The following RAP1GDS1 variants were observed in gnomAD, a reference collection of about 807,000 sequenced individuals.
RAP1GDS1 encodes Rap1 GTPase-GDP dissociation stimulator 1, also known as RAP1, GTP-GDP dissociation stimulator 1.
RAP1GDS1 carries 35 observed loss-of-function variants against 71.1 expected under a neutral mutation model. That is an observed-to-expected ratio of 0.49 (90% confidence interval 0.38 to 0.65). The LOEUF is 0.65. RAP1GDS1 is among the 30% of genes least tolerant of loss of function. RAP1GDS1 has a pLI of 0.00. For synonymous variants in RAP1GDS1, 229 were observed against 243.1 expected (o/e 0.94, Z 0.54); for missense variants, 663 against 706.1 (o/e 0.94, Z 0.69).
chr4:98,343,541 C>A (rs1420147572), intron 3 of RAP1GDS1, among the ~76,000 whole-genome samples: 4 of 152,070 alleles, frequency 2.6e-5, no homozygotes, highest in Non-Finnish European at 4.4e-5. Flanking sequence ...GTATAAGATT[C>A]TTGAACTTGC....
At chr4:98,278,044 C>T (rs148654494) in intron 1 of RAP1GDS1, among the ~76,000 whole-genome samples, 221 of 152,200 alleles carry the variant, frequency 1.5e-3, no homozygotes, top group African/African-American at 4.9e-3. Context: ...GTGGCCAACA[C>T]GGCTACTAAA....
intron 6 of RAP1GDS1, among the ~76,000 whole-genome samples, chr4:98,399,044 CT>C (rs796490853): frequency 6.6e-6 from 1 of 151,362 alleles, no homozygotes; most frequent in Non-Finnish European, 1.5e-5. Flanking sequence ...ATACCAATGA[CT>C]TTTTTTTTGT....
chr4:98,421,541 A>C (rs1748859576), intron 12 of RAP1GDS1, 147 bp downstream of exon 12: 1 of 838,822 alleles, frequency 1.2e-6, no homozygotes, highest in African/African-American at 1.7e-5. Context: ...TGCTTAGCTG[A>C]TACATGGGAT....
At chr4:98,413,221 A>AT (rs35095617) in intron 7 of RAP1GDS1, among the ~76,000 whole-genome samples, 56,207 of 148,174 alleles carry the variant, frequency 0.38, 11,882 homozygotes, top group African/African-American at 0.6. Context: ...GGGTATTACT[A>AT]TTTTTTTTTT....
chr4:98,279,939 CA>C (rs764374410), intron 1 of RAP1GDS1, among the ~76,000 whole-genome samples: 5 of 152,186 alleles, frequency 3.3e-5, no homozygotes, highest in South Asian at 2.1e-4. Flanking sequence ...GGCATGAACT[CA>C]TCCTCTTTTA....
intron 1 of RAP1GDS1, among the ~76,000 whole-genome samples, chr4:98,267,293 T>C (rs1722826125): frequency 6.6e-6 from 1 of 152,118 alleles, no homozygotes; most frequent in Admixed American, 6.6e-5. Context: ...GGAGGATTGG[T>C]ATTAGTTCCT....
At chr4:98,366,261 A>G (rs1739471291) in intron 4 of RAP1GDS1, among the ~76,000 whole-genome samples, 1 of 151,848 alleles carries the variant, frequency 6.6e-6, no homozygotes, top group African/African-American at 2.4e-5. Context: ...TATAAGGGGG[A>G]GTTTTCGTGC....
At chr4:98,358,231 C>G (rs1186458059) in intron 4 of RAP1GDS1, among the ~76,000 whole-genome samples, 1 of 151,904 alleles carries the variant, frequency 6.6e-6, no homozygotes, top group Non-Finnish European at 1.5e-5. Flanking sequence ...GTGCACATAC[C>G]TAGTTACAAT....
At chr4:98,292,634 A>G (rs1727140424) in intron 1 of RAP1GDS1, among the ~76,000 whole-genome samples, 1 of 151,964 alleles carries the variant, frequency 6.6e-6, no homozygotes, top group Admixed American at 6.6e-5. Flanking sequence ...TTTTTTCATT[A>G]AAATGCTAAT....
intron 2 of RAP1GDS1, among the ~76,000 whole-genome samples, chr4:98,337,790 T>G (rs566789732): frequency 6.6e-6 from 1 of 152,080 alleles, no homozygotes; most frequent in Non-Finnish European, 1.5e-5. Context: ...AAAGGAGTTA[T>G]GAAATAAGAT....
chr4:98,296,276 T>C (rs1727736381), intron 2 of RAP1GDS1, among the ~76,000 whole-genome samples: 2 of 152,084 alleles, frequency 1.3e-5, no homozygotes, highest in South Asian at 4.1e-4. Context: ...AGGAACAAAA[T>C]AATGCTTTTG....
intron 8 of RAP1GDS1, 132 bp from the exon 9 acceptor site, chr4:98,417,235 C>A: frequency 1.1e-6 from 1 of 931,070 alleles, no homozygotes. Flanking sequence ...TAAAAAGAAT[C>A]ATTACTTTTC....
At chr4:98,300,153 T>C (rs929121966) in intron 2 of RAP1GDS1, among the ~76,000 whole-genome samples, 18 of 152,160 alleles carry the variant, frequency 1.2e-4, no homozygotes, top group Admixed American at 6.5e-4. Context: ...AAACTTTGTC[T>C]TATTTTAAGA....
chr4:98,314,481 A>G (rs1350857128), intron 2 of RAP1GDS1, among the ~76,000 whole-genome samples: 4 of 152,200 alleles, frequency 2.6e-5, no homozygotes, highest in African/African-American at 9.6e-5. Context: ...TGCAACATCA[A>G]TACATGTAAC....
chr4:98,303,627 AATAATATAATATAATATAAT>A (rs3048386), intron 2 of RAP1GDS1, among the ~76,000 whole-genome samples: 8 of 141,332 alleles, frequency 5.7e-5, no homozygotes, highest in East Asian at 2.0e-4. Flanking sequence ...GTAAATTAAT[AATAATATAATATAATATAAT>A]ATAATATAAT....
intron 12 of RAP1GDS1, among the ~76,000 whole-genome samples, chr4:98,422,172 C>T (rs566165592): frequency 4.6e-5 from 7 of 152,108 alleles, no homozygotes; most frequent in Non-Finnish European, 1.0e-4. Context: ...TGCACTCCAG[C>T]CTGGGTGACA....
At position 98,289,554 on chromosome 4, in the gene RAP1GDS1, C is replaced by CAAAAAAAAA. The variant is rs6148589; in HGVS notation, c.5-3841_5-3833dup. On this transcript the variant is annotated intron_variant, in intron 1 of 14. Transcript: ENST00000408927. ...TCGGTTTAGGACCAGCTCTGGTAAACAAAAAAAAAAAAAAAAAAAAAGAAA... is the reference window on the plus strand; with the variant it reads ...TCGGTTTAGGACCAGCTCTGGTAAACAAAAAAAAAAAAAAAAAAAAAAAAAAAAAAGAAA... Among the ~76,000 whole-genome samples, 383 of 101,880 alleles carry CAAAAAAAAA rather than the reference C, an allele frequency of 3.8e-3. 1 individual carries two copies. The highest frequency in any genetic ancestry group is 4.9e-3 in the Non-Finnish European group (244 of 49,480). The allele number at this position is 101,880 out of a possible 152,430, so 66.8% of individuals were successfully genotyped here. A position where few individuals can be genotyped will look rare whatever the true frequency, so the allele number is the denominator to read the frequency against.
intron 1 of RAP1GDS1, among the ~76,000 whole-genome samples, chr4:98,277,395 G>C (rs1243662017): frequency 3.3e-5 from 5 of 152,130 alleles, no homozygotes; most frequent in Admixed American, 1.3e-4. Context: ...ATCATATCAA[G>C]TCTAAACCAT....
At chr4:98,413,798 G>A (rs1747472463) in intron 7 of RAP1GDS1, among the ~76,000 whole-genome samples, 1 of 152,228 alleles carries the variant, frequency 6.6e-6, no homozygotes, top group African/African-American at 2.4e-5. Flanking sequence ...TCGCCACACT[G>A]ACTTCCACAA....
Sources: allele counts gnomAD v4.1 joint callset (sites outside exome capture counted in the v4.1 genomes callset), GRCh38; gene constraint gnomAD v4.1.1; transcripts MANE v1.5; gene names NCBI Gene and HGNC (gene_info 2026-07-23, HGNC 2026-07-21).